Variants in ERC2 observed in about 807,000 individuals in gnomAD.
ERC2 encodes the protein ERC protein 2.
A neutral mutation model predicts 114.8 loss-of-function variants in ERC2; 42 were observed. The observed-to-expected ratio is 0.37, with a 90% CI of 0.29 to 0.47. The LOEUF is 0.47. Ranked by LOEUF, ERC2 falls within the 20% of genes least tolerant of loss-of-function variation. The probability of loss-of-function intolerance (pLI) is 0.99; values close to 1 mark genes in which losing one functional copy is unlikely to be tolerated. For synonymous variants in ERC2, 454 were observed against 425.5 expected (o/e 1.07, Z -0.82); for missense variants, 939 against 1,150.7 (o/e 0.82, Z 2.66).
In ERC2 at chr3:55,919,817, G is replaced by C. The variant is rs113405704; in HGVS notation, c.2403+30608C>G. 7.9e-5 allele frequency among the ~76,000 whole-genome samples: 12 copies of C among 152,260 alleles called. 1 individual carries two copies. Among genetic ancestry groups the C allele is most frequent in the African/African-American group, 2.9e-4 (12 of 41,560 alleles). On this transcript the variant is annotated intron_variant, in intron 13 of 17. Transcript: ENST00000288221. ...AACCAGCCAGTGGCTATCAGGGGAA[G>C]GGCATTTTAGGCAAAGGGAATTGCA...
intron 7 of ERC2, among the ~76,000 whole-genome samples, chr3:56,033,085 A>T (rs1437142875): frequency 2.1e-5 from 3 of 145,136 alleles, no homozygotes; most frequent in African/African-American, 7.7e-5. Flanking sequence ...AGAAAGAAAG[A>T]AAAGTAAAGT....
At chr3:55,739,223 T>G (rs905293255) in intron 14 of ERC2, among the ~76,000 whole-genome samples, 1 of 152,224 alleles carries the variant, frequency 6.6e-6, no homozygotes, top group Non-Finnish European at 1.5e-5. Context: ...TAAACATACA[T>G]GTGCATGTGT....
chr3:56,391,194 T>C (rs2060116114), intron 2 of ERC2, among the ~76,000 whole-genome samples: 1 of 152,088 alleles, frequency 6.6e-6, no homozygotes, highest in African/African-American at 2.4e-5. Flanking sequence ...ATACCAACAC[T>C]TCAAATTATT....
chr3:55,640,035 G>A (rs1330989275), intron 17 of ERC2, among the ~76,000 whole-genome samples: 1 of 151,602 alleles, frequency 6.6e-6, no homozygotes, highest in African/African-American at 2.4e-5. Flanking sequence ...CTTAACGAGC[G>A]CTGCCTGGGG....
intron 3 of ERC2, among the ~76,000 whole-genome samples, chr3:56,199,542 C>T (rs959899737): frequency 2.6e-5 from 4 of 151,920 alleles, no homozygotes; most frequent in African/African-American, 9.7e-5. Flanking sequence ...GAGTGTTGTT[C>T]TGTCACCCAG....
intron 2 of ERC2, among the ~76,000 whole-genome samples, chr3:56,322,487 G>A (rs62253628): frequency 0.011 from 1,695 of 152,250 alleles, 14 homozygotes; most frequent in Non-Finnish European, 0.018. Context: ...AAGAGACCAC[G>A]CCACTGCCAC....
intron 6 of ERC2, among the ~76,000 whole-genome samples, chr3:56,085,513 C>T (rs1009717025): frequency 3.3e-5 from 5 of 152,174 alleles, no homozygotes; most frequent in Admixed American, 6.5e-5. Flanking sequence ...GGGATACTCA[C>T]GTCCTGGGGA....
At chr3:55,835,078 T>A (rs1405659733) in intron 14 of ERC2, among the ~76,000 whole-genome samples, 2 of 151,674 alleles carry the variant, frequency 1.3e-5, no homozygotes, top group Non-Finnish European at 2.9e-5. Context: ...AATAGACCAA[T>A]AACAGGCTCT....
At chr3:55,931,816 G>T (rs368774763) in intron 13 of ERC2, among the ~76,000 whole-genome samples, 3 of 152,084 alleles carry the variant, frequency 2.0e-5, no homozygotes, top group Non-Finnish European at 2.9e-5. Context: ...AGGTTCTGGG[G>T]TAACTAAAAA....
At chr3:55,635,232 G>A (rs950651922) in intron 17 of ERC2, among the ~76,000 whole-genome samples, 4 of 151,820 alleles carry the variant, frequency 2.6e-5, no homozygotes, top group Non-Finnish European at 5.9e-5. Flanking sequence ...TATCCAGACA[G>A]TCATCTGCTG....
At chr3:55,849,410 G>A (rs1028357603) in intron 14 of ERC2, among the ~76,000 whole-genome samples, 5 of 152,142 alleles carry the variant, frequency 3.3e-5, no homozygotes, top group Non-Finnish European at 7.4e-5. Flanking sequence ...CTGGACCTGT[G>A]GTTTCTCTAA....
At chr3:55,700,075 C>T (rs1306656770) in intron 15 of ERC2, among the ~76,000 whole-genome samples, 4 of 152,140 alleles carry the variant, frequency 2.6e-5, no homozygotes, top group African/African-American at 4.8e-5. Context: ...ACATTTTAAC[C>T]GATTTTGTTC....
intron 13 of ERC2, among the ~76,000 whole-genome samples, chr3:55,900,383 G>A (rs1202361862): frequency 6.6e-6 from 1 of 152,114 alleles, no homozygotes; most frequent in African/African-American, 2.4e-5. Context: ...ATTTGTCCAG[G>A]CTACTTGGCC....
Position 55,564,997 on chromosome 3 carries a change from A to G in ERC2, c.*40-53721T>C, listed in dbSNP as rs537479745. 2.0e-5 allele frequency among the ~76,000 whole-genome samples: 3 copies of G among 152,346 alleles called. No individual in the cohort carries two copies. The South Asian group carries it at 6.2e-4, about 32-fold the overall frequency. On this transcript the variant is annotated intron_variant, in intron 17 of 17. Coordinates refer to ENST00000288221, the MANE Select transcript of ERC2 (RefSeq NM_015576.3). ...AAACGAACGAGTGTGGCTGTGTTCC[A>G]ATAACACTTCACTTATAAACTCAGG...
chr3:55,778,466 C>T (rs1393530675), intron 14 of ERC2, among the ~76,000 whole-genome samples: 2 of 152,120 alleles, frequency 1.3e-5, no homozygotes, highest in Admixed American at 1.3e-4. Context: ...TTTTCAAACT[C>T]TTGGCATGGG....
intron 13 of ERC2, among the ~76,000 whole-genome samples, chr3:55,906,472 C>T: frequency 6.6e-6 from 1 of 151,788 alleles, no homozygotes. Context: ...AGGGGGTTCC[C>T]CAACCAGCAG....
intron 13 of ERC2, among the ~76,000 whole-genome samples, chr3:55,897,499 A>G (rs1441593717): frequency 6.6e-6 from 1 of 152,160 alleles, no homozygotes; most frequent in Admixed American, 6.5e-5. Context: ...GGCAGTTTTC[A>G]GTTTGCACCA....
chr3:55,768,306 C>G (rs1334113516), intron 14 of ERC2, among the ~76,000 whole-genome samples: 1 of 152,204 alleles, frequency 6.6e-6, no homozygotes, highest in African/African-American at 2.4e-5. Flanking sequence ...GAATAAAGCA[C>G]TATCTGGGAA....
At chr3:55,639,071 G>T (rs929897972) in intron 17 of ERC2, among the ~76,000 whole-genome samples, 2 of 152,164 alleles carry the variant, frequency 1.3e-5, no homozygotes, top group Non-Finnish European at 2.9e-5. Context: ...TTGGATTCAG[G>T]GTCGGTGAGC....
Sources: gnomAD v4.1 joint callset for allele counts (sites outside exome capture counted in the v4.1 genomes callset) on GRCh38, gnomAD v4.1.1 for gene constraint, MANE v1.5 for transcripts, NCBI Gene and HGNC (gene_info 2026-07-23, HGNC 2026-07-21) for gene names.